The following ACSF3 variants were observed in gnomAD, a reference collection of about 807,000 sequenced individuals.
The protein encoded by ACSF3 is acyl-CoA synthetase family member 3.
Under a neutral mutation model 53.2 loss-of-function variants are expected in ACSF3, and 78 were observed. That is an observed-to-expected ratio of 1.47 (90% confidence interval 1.22 to 1.77). ACSF3 has a LOEUF of 1.77. Ranked by LOEUF, ACSF3 falls within the 40% of genes most tolerant of loss-of-function variation. The pLI, the probability that ACSF3 is intolerant of heterozygous loss-of-function variation, is 0.00. For synonymous variants in ACSF3, 414 were observed against 333.1 expected (o/e 1.24, Z -2.65); for missense variants, 937 against 771.1 (o/e 1.22, Z -2.55).
chr16:89,126,627 T>C (rs1394387812), intron 7 of ACSF3, among the ~76,000 whole-genome samples: 4 of 152,250 alleles, frequency 2.6e-5, no homozygotes, highest in African/African-American at 9.7e-5. Context: ...AGAAATAGAA[T>C]TGATTTTTGT....
At chr16:89,114,177 G>A (rs894965185) in intron 5 of ACSF3, 162 bp from the exon 6 acceptor site, 1 of 888,654 alleles carries the variant, frequency 1.1e-6, no homozygotes, top group Non-Finnish European at 1.8e-6. Context: ...GGTCCCGGGT[G>A]TCGCACAGTG....
chr16:89,146,055 GC>G lies in ACSF3; in HGVS notation c.1613+7del. The G allele has an allele frequency of 6.4e-7, 1 of 1,558,720 alleles. No homozygotes were observed. Among genetic ancestry groups the G allele is most frequent in the Non-Finnish European group, 8.8e-7 (1 of 1,131,148 alleles). ...GAGCTCAAAGAGTGGGCCAGGTAGG[GC>G]TGGGTGGGGCGGGCAGGGAGCACTC... is the stretch of plus-strand genomic sequence containing the variant. On this transcript the variant is annotated splice_region_variant and intron_variant, in intron 10 of 10. Coordinates refer to ENST00000614302, the MANE Select transcript of ACSF3 (RefSeq NM_001243279.3).
Position 89,120,819 on chromosome 16 carries a change from T to C in ACSF3, c.1145T>C (p.Leu382Pro), listed in dbSNP as rs781134234. Residue 382 changes from leucine to proline, a missense_variant, in exon 7 of 11, where the codon CTG becomes CCG. Coordinates refer to ENST00000614302, the MANE Select transcript of ACSF3 (RefSeq NM_001243279.3). ...VRLPGSVGTP[L>P]PGVQVRIVSE... ...CCTGTAGGTTCCGTGGGGACCCCACTGCCTGGAGTACAGGTGCGCATTGTC... is the reference window on the plus strand; with the variant it reads ...CCTGTAGGTTCCGTGGGGACCCCACCGCCTGGAGTACAGGTGCGCATTGTC... 5.0e-6 allele frequency: 8 copies of C among 1,614,088 alleles called. No individual in the cohort carries two copies. The East Asian group carries it at 8.9e-5, about 18-fold the overall frequency.
In ACSF3 at chr16:89,100,097, C is replaced by T. The variant is rs576199902; in HGVS notation, c.-20-565C>T. 2.6e-5 allele frequency among the ~76,000 whole-genome samples: 4 copies of T among 152,298 alleles called. No homozygotes were observed. In the East Asian group the frequency reaches 5.8e-4, roughly 22 times the overall value. On this transcript the variant is annotated intron_variant, in intron 2 of 10. Coordinates refer to ENST00000614302, the MANE Select transcript of ACSF3 (RefSeq NM_001243279.3). ...TCGAGGCTGCAGTGAGCCATGATTG[C>T]ATCACTACACTCCAGCCTGGGCGAC...
intron 7 of ACSF3, among the ~76,000 whole-genome samples, chr16:89,128,858 G>A (rs1481237241): frequency 6.6e-6 from 1 of 152,172 alleles, no homozygotes; most frequent in Non-Finnish European, 1.5e-5. Flanking sequence ...CCCAGGCGCA[G>A]TGGCTCACAC....
rs7189693 is a variant in ACSF3 at position 89,129,723 on chromosome 16, C to T, written c.1240-3413C>T. ...ACTGCCTTCTTTGAGGTTATTTTTTCATATTCCATTTTAATTTGTCTCTTA... is the reference window on the plus strand; with the variant it reads ...ACTGCCTTCTTTGAGGTTATTTTTTTATATTCCATTTTAATTTGTCTCTTA... On this transcript the variant is annotated intron_variant, in intron 7 of 10. Coordinates refer to ENST00000614302, the MANE Select transcript of ACSF3 (RefSeq NM_001243279.3). Among the ~76,000 whole-genome samples the T allele has an allele frequency of 5.7e-3, 865 of 152,236 alleles. 11 individuals are homozygous for T. Among genetic ancestry groups the T allele is most frequent in the African/African-American group, 0.02 (831 of 41,538 alleles).
At chr16:89,105,805 T>TGAGGGCAGGTTGGTTCCATCGTCCCG (rs572831019) in intron 4 of ACSF3, among the ~76,000 whole-genome samples, 1 of 152,198 alleles carries the variant, frequency 6.6e-6, no homozygotes, top group African/African-American at 2.4e-5. Flanking sequence ...CCCAGGGAGC[T>TGAGGGCAGGTTGGTTCCATCGTCCCG]GAGGGCAGGT....
At position 89,145,332 on chromosome 16, in the gene ACSF3, A is replaced by G. The variant is rs1208148133; in HGVS notation, c.1432A>G (p.Lys478Glu). 1 of 1,614,208 alleles carries G rather than the reference A, an allele frequency of 6.2e-7. No homozygotes were observed. Residue 478 changes from lysine (K) to glutamate (E), a missense_variant, in exon 9 of 11, where the codon AAG (lysine) becomes GAG (glutamate). Transcript: ENST00000614302. ...AGGCCGGACCTCAGTGGACATCATCAAGACTGGAGGCTACAAGGTCAGCGC... is the reference window on the plus strand; with the variant it reads ...AGGCCGGACCTCAGTGGACATCATCGAGACTGGAGGCTACAAGGTCAGCGC... ...IRGRTSVDII[K>E]TGGYKVSALE...
At chr16:89,123,517 G>C (rs1035518119) in intron 7 of ACSF3, among the ~76,000 whole-genome samples, 2 of 152,170 alleles carry the variant, frequency 1.3e-5, no homozygotes, top group East Asian at 1.9e-4. Flanking sequence ...CAGCTGGGCT[G>C]TCCGATCCAC....
At chr16:89,109,318 G>T (rs143314773) in intron 4 of ACSF3, among the ~76,000 whole-genome samples, 1 of 150,528 alleles carries the variant, frequency 6.6e-6, no homozygotes, top group East Asian at 2.0e-4. Flanking sequence ...CATCAGCAGC[G>T]TATGAGAGTT....
At chr16:89,102,849 A>C (rs1345420426) in intron 4 of ACSF3, 90 bp downstream of exon 4, 4 of 1,553,030 alleles carry the variant, frequency 2.6e-6, no homozygotes, top group Non-Finnish European at 3.5e-6. Flanking sequence ...CCCTCAGCCT[A>C]AGCGCCTTTC....
intron 8 of ACSF3, among the ~76,000 whole-genome samples, chr16:89,143,692 C>T (rs1007470476): frequency 2.0e-5 from 3 of 152,164 alleles, no homozygotes; most frequent in African/African-American, 4.8e-5. Context: ...CTTCCAGCCG[C>T]CCAGACTACC....
At chr16:89,125,309 C>T (rs545152409) in intron 7 of ACSF3, among the ~76,000 whole-genome samples, 1 of 148,380 alleles carries the variant, frequency 6.7e-6, no homozygotes, top group East Asian at 2.0e-4. Context: ...CGCCACTGCA[C>T]TCCAGCCTGG....
At chr16:89,117,737 G>A (rs1249610029) in intron 6 of ACSF3, among the ~76,000 whole-genome samples, 1 of 152,124 alleles carries the variant, frequency 6.6e-6, no homozygotes, top group Non-Finnish European at 1.5e-5. Flanking sequence ...GCTTCCCCAC[G>A]CTGGAATCAG....
chr16:89,124,402 C>T (rs1029461675), intron 7 of ACSF3, among the ~76,000 whole-genome samples: 4 of 71,840 alleles, frequency 5.6e-5, no homozygotes, highest in African/African-American at 1.7e-4. Context: ...GTGCACTGCT[C>T]ATGTGTGTGT....
intron 4 of ACSF3, among the ~76,000 whole-genome samples, chr16:89,106,438 AC>A (rs1975996070): frequency 6.6e-6 from 1 of 151,866 alleles, no homozygotes; most frequent in Non-Finnish European, 1.5e-5. Flanking sequence ...GATTACAGGC[AC>A]CTGCCACCAC....
intron 4 of ACSF3, among the ~76,000 whole-genome samples, chr16:89,105,450 G>A (rs1010510384): frequency 2.0e-4 from 30 of 152,208 alleles, no homozygotes; most frequent in African/African-American, 6.8e-4. Flanking sequence ...AGTGCACTGT[G>A]TGGGTGGTGC....
At chr16:89,120,181 T>G (rs1425666655) in intron 6 of ACSF3, among the ~76,000 whole-genome samples, 1 of 152,302 alleles carries the variant, frequency 6.6e-6, no homozygotes, top group Non-Finnish European at 1.5e-5. Flanking sequence ...CAGTGTAAGA[T>G]ATGATTTTAG....
In ACSF3 at chr16:89,098,408, C is replaced by T. The variant is rs1047416312; in HGVS notation, c.-193-183C>T. On this transcript the variant is annotated intron_variant, in intron 1 of 10. Transcript: ENST00000614302. ...GGGGCGTGGTGTGTGGGAGGAGACTCGACAGGGTCATGGGGTCACTGCTGC... is the reference window on the plus strand; with the variant it reads ...GGGGCGTGGTGTGTGGGAGGAGACTTGACAGGGTCATGGGGTCACTGCTGC... 5.3e-5 allele frequency among the ~76,000 whole-genome samples: 8 copies of T among 152,340 alleles called. No homozygotes were observed. The East Asian group carries it at 7.7e-4, about 15-fold the overall frequency.
Sources: allele counts gnomAD v4.1 joint callset (sites outside exome capture counted in the v4.1 genomes callset), GRCh38; gene constraint gnomAD v4.1.1; transcripts MANE v1.5; gene names NCBI Gene and HGNC (gene_info 2026-07-23, HGNC 2026-07-21).